SEC16B: variants seen among roughly 807,000 people sequenced by gnomAD.
SEC16B encodes protein transport protein Sec16B.
Under a neutral mutation model 141.8 loss-of-function variants are expected in SEC16B, and 115 were observed. The observed-to-expected ratio is 0.81, with a 90% CI of 0.70 to 0.95. The LOEUF (loss-of-function observed/expected upper bound fraction) is 0.95. SEC16B is among the 40% of genes least tolerant of loss of function. SEC16B has a pLI of 0.00. For missense variants in SEC16B, 1,291 were observed against 1,312.3 expected, an observed-to-expected ratio of 0.98 and a Z score of 0.25; for synonymous variants, 493 against 492.5, an observed-to-expected ratio of 1.00 and a Z score of -0.01.
chr1:177,939,072 A>T (rs995785737), intron 18 of SEC16B, among the ~76,000 whole-genome samples: 1 of 152,204 alleles, frequency 6.6e-6, no homozygotes, highest in African/African-American at 2.4e-5. Flanking sequence ...ACAGAAGCCA[A>T]GGCCTGCCCT....
At chr1:177,932,597 C>T (rs1414418446) in intron 23 of SEC16B, 28 bp from the exon 24 acceptor site, 7 of 1,535,494 alleles carry the variant, frequency 4.6e-6, no homozygotes, top group African/African-American at 1.4e-5. Flanking sequence ...AGAGCTGTTT[C>T]CTCTGCTCAG....
Position 177,958,246 on chromosome 1 carries a change from T to C in SEC16B, c.1251A>G (p.Pro417=), listed in dbSNP as rs1217779685. 1.1e-5 allele frequency: 17 copies of C among 1,608,534 alleles called. No homozygotes were observed. The East Asian group carries it at 3.8e-4, about 36-fold the overall frequency. ...GGTTCGGGGTCCCAGAGCTCAGCAC[T>C]GGCCAGTCCTCATCGGTCAGGTTGA... ...NLINLTDEDW[P]VLSSGTPNLL... is the part of the protein sequence containing the mutation. The change falls in exon 10 of 26, where the codon CCA becomes CCG. Residue 417 remains proline (P), a synonymous_variant. Transcript: ENST00000308284.
Position 177,932,502 on chromosome 1 carries a change from C to A in SEC16B, c.3000G>T (p.Leu1000Phe). The A allele has an allele frequency of 6.5e-7, 1 of 1,546,208 alleles. No homozygotes were observed. The highest frequency in any genetic ancestry group is 8.7e-7 in the Non-Finnish European group (1 of 1,144,992). Residue 1000 changes from leucine (L) to phenylalanine (F), a missense_variant, in exon 24 of 26, where the codon TTG (leucine) becomes TTT (phenylalanine). Around this residue, in one of 3 missense-constraint regions of SEC16B, gnomAD observed 605 missense variants for 614.1 expected, o/e 0.99. Coordinates refer to ENST00000308284, the MANE Select transcript of SEC16B (RefSeq NM_033127.4). ...GGGGGCCGCTTACCTCTGGTCCAGA[C>A]AAGCCTCCAACCCCAGCGCCCGCAG... ...GAAAGAGVGG[L>F]SGPESVSFEL...
intron 14 of SEC16B, 176 bp downstream of exon 14, chr1:177,946,244 G>A (rs1571321480): frequency 1.5e-6 from 1 of 667,080 alleles, no homozygotes; most frequent in African/African-American, 1.8e-5. Flanking sequence ...CTGTAATGTG[G>A]GGCCCACGGG....
At chr1:177,959,086 GA>G in intron 8 of SEC16B, 111 bp from the exon 9 acceptor site, 1 of 1,149,924 alleles carries the variant, frequency 8.7e-7, no homozygotes, top group Non-Finnish European at 1.3e-6. Context: ...GATTGAGATA[GA>G]AATCTGACAA....
At chr1:177,938,991 C>T (rs1651071820) in intron 18 of SEC16B, among the ~76,000 whole-genome samples, 1 of 152,234 alleles carries the variant, frequency 6.6e-6, no homozygotes, top group African/African-American at 2.4e-5. Context: ...TGTGGGGAAG[C>T]ACAATCCACA....
At chr1:177,947,061 C>G (rs927678506) in intron 13 of SEC16B, among the ~76,000 whole-genome samples, 7 of 152,326 alleles carry the variant, frequency 4.6e-5, no homozygotes, top group Non-Finnish European at 1.0e-4. Context: ...GCCTGGCCCC[C>G]AAGAAGGGCT....
At position 177,929,604 on chromosome 1, in the gene SEC16B, T is replaced by C; in HGVS notation, c.*254A>G. The C allele has an allele frequency of 2.0e-6, 1 of 496,570 alleles. No homozygotes were observed. Among genetic ancestry groups the C allele is most frequent in the Non-Finnish European group, 3.7e-6 (1 of 272,444 alleles). 30.8% of individuals were successfully genotyped at this position (496,570 alleles called of 1,614,324 possible). On this transcript the variant is annotated 3_prime_UTR_variant, in exon 26 of 26. Coordinates refer to ENST00000308284, the MANE Select transcript of SEC16B (RefSeq NM_033127.4). ...CCACCACCATGTCACTCTGCTCATGTGCAGTCTGCTATTAGACCCAGACTT... is the reference window on the plus strand; with the variant it reads ...CCACCACCATGTCACTCTGCTCATGCGCAGTCTGCTATTAGACCCAGACTT...
At chr1:177,976,998 A>C (rs1318131374) in intron 1 of SEC16B, among the ~76,000 whole-genome samples, 4 of 152,228 alleles carry the variant, frequency 2.6e-5, no homozygotes, top group African/African-American at 9.6e-5. Context: ...TTCAGGAACA[A>C]TGCAGGATGC....
chr1:177,955,934 G>T (rs1044648492), intron 10 of SEC16B, among the ~76,000 whole-genome samples: 4 of 152,128 alleles, frequency 2.6e-5, no homozygotes, highest in Admixed American at 6.5e-5. Flanking sequence ...AGCTATAGGG[G>T]GTTTAGTTAA....
At chr1:177,965,292 T>C (rs1444182415) in intron 3 of SEC16B, 125 bp from the exon 4 acceptor site, 1 of 1,201,436 alleles carries the variant, frequency 8.3e-7, no homozygotes, top group Non-Finnish European at 1.1e-6. Context: ...ATTTTCCAAA[T>C]TGAAAAAATA....
chr1:177,932,543 A>G lies in SEC16B; in HGVS notation c.2959T>C (p.Ser987Pro). 6.4e-7 allele frequency: 1 copy of G among 1,562,350 alleles called. No homozygotes were observed. Among genetic ancestry groups the G allele is most frequent in the South Asian group, 1.2e-5 (1 of 84,128 alleles). ...GCGCCCGCAGCTGCTCCCCCGCTGGATGCGGATCCTCGGCCTTCACCCCCA... is the reference window on the plus strand; with the variant it reads ...GCGCCCGCAGCTGCTCCCCCGCTGGGTGCGGATCCTCGGCCTTCACCCCCA... ...RGGGEGRGSA[S>P]SGGAAAGAGV... Residue 987 changes from serine to proline, a missense_variant, in exon 24 of 26, where the codon TCC becomes CCC. Around this residue, in one of 3 missense-constraint regions of SEC16B, gnomAD observed 605 missense variants for 614.1 expected, o/e 0.99. Transcript: ENST00000308284.
intron 13 of SEC16B, 90 bp from the exon 14 acceptor site, chr1:177,946,621 G>A: frequency 3.2e-6 from 3 of 947,668 alleles, no homozygotes; most frequent in Non-Finnish European, 4.9e-6. Context: ...ATGGAAGAGT[G>A]GCCTCGGGGG....
At chr1:177,932,463 A>C (rs1182606281) in intron 24 of SEC16B, 27 bp downstream of exon 24, 2 of 1,491,514 alleles carry the variant, frequency 1.3e-6, no homozygotes, top group African/African-American at 2.8e-5. Context: ...CTGGGGTCCG[A>C]GGCTCCAGCC....
In SEC16B at chr1:177,984,113, A is replaced by G. The variant is rs553405729; in HGVS notation, c.-59+93T>C. ...AATGCTTCTCAAATGAGTCTGCTAG[A>G]AGGGTCTTTAGTGAGAACTGTATTC... On this transcript the variant is annotated intron_variant and NMD_transcript_variant, in intron 1 of 24. Transcript: ENST00000528461. 3.9e-5 allele frequency: 6 copies of G among 152,284 alleles called. No homozygotes were observed. The South Asian group carries it at 1.2e-3, about 32-fold the overall frequency. 9.4% of individuals were successfully genotyped at this position (152,284 alleles called of 1,614,324 possible). A position where few individuals can be genotyped will look rare whatever the true frequency, so the allele number is the denominator to read the frequency against.
chr1:177,934,793 G>A (rs1302591705), intron 20 of SEC16B, among the ~76,000 whole-genome samples: 3 of 152,100 alleles, frequency 2.0e-5, no homozygotes, highest in African/African-American at 7.2e-5. Flanking sequence ...CCAGCACTGT[G>A]TGTTATATAT....
chr1:177,965,971 A>T lies in SEC16B; in HGVS notation c.334T>A (p.Ser112Thr). 6.3e-7 allele frequency: 1 copy of T among 1,594,172 alleles called. No individual in the cohort carries two copies. Reference protein sequence around the residue: ...GYENSYQSYQSPTMREEYAYG... With the variant: ...GYENSYQSYQTPTMREEYAYG... The stretch of plus-strand genomic sequence containing the variant: ...GCATATTCCTCCCTCATTGTGGGAG[A>T]CTGATAGCTCTGATATGAATTCTCA... The change falls in exon 3 of 26, where the codon TCT becomes ACT. Residue 112 changes from serine (S) to threonine (T), a missense_variant. Around this residue, in one of 3 missense-constraint regions of SEC16B, gnomAD observed 681 missense variants for 675.5 expected, o/e 1.01. Coordinates refer to ENST00000308284, the MANE Select transcript of SEC16B (RefSeq NM_033127.4).
intron 18 of SEC16B, 147 bp from the exon 19 acceptor site, chr1:177,937,660 C>T (rs941001282): frequency 9.5e-6 from 6 of 632,696 alleles, no homozygotes; most frequent in African/African-American, 9.2e-5. Flanking sequence ...AACATGATGA[C>T]AAGTAAAACA....
upstream of SEC16B, among the ~76,000 whole-genome samples, chr1:177,974,172 G>A (rs147600156): frequency 1.5e-3 from 234 of 152,194 alleles, no homozygotes; most frequent in African/African-American, 5.3e-3. Flanking sequence ...CCAGTTTGGT[G>A]GGGAAGATGA....
Sources: gnomAD v4.1 joint callset for allele counts (sites outside exome capture counted in the v4.1 genomes callset) on GRCh38, gnomAD v4.1.1 for gene constraint, gnomAD v4.1.1 regional missense constraint, MANE v1.5 for transcripts, NCBI Gene and HGNC (gene_info 2026-07-23, HGNC 2026-07-21) for gene names.